MYO3B: variants seen among roughly 807,000 people sequenced by gnomAD.
The protein encoded by MYO3B is myosin-IIIb.
In MYO3B, 156 loss-of-function variants were observed where a neutral mutation model predicts 174.6. The ratio of observed to expected loss-of-function variants is 0.89; its 90% confidence interval spans 0.78 to 1.02. MYO3B has a LOEUF of 1.02. Ranked by LOEUF, MYO3B falls within the 50% of genes least tolerant of loss-of-function variation. The pLI is 0.00. For synonymous variants in MYO3B, 563 were observed against 569.1 expected, an observed-to-expected ratio of 0.99 and a Z score of 0.15; for missense variants, 1,632 against 1,639.4, an observed-to-expected ratio of 1.00 and a Z score of 0.08.
At chr2:170,626,046 A>G (rs1031169154) in intron 32 of MYO3B, among the ~76,000 whole-genome samples, 10 of 152,208 alleles carry the variant, frequency 6.6e-5, no homozygotes, top group African/African-American at 1.9e-4. Flanking sequence ...TTGGGGTGGA[A>G]AGTTCTGTAG....
At chr2:170,617,960 T>C (rs1695572807) in intron 32 of MYO3B, among the ~76,000 whole-genome samples, 1 of 152,204 alleles carries the variant, frequency 6.6e-6, no homozygotes, top group African/African-American at 2.4e-5. Context: ...TGTGTGAATA[T>C]AATCAGTGAT....
At chr2:170,646,954 A>ATTGTT (rs1698432570) in intron 32 of MYO3B, 1 of 1,329,956 alleles carries the variant, frequency 7.5e-7, no homozygotes, top group Non-Finnish European at 1.0e-6. Flanking sequence ...ATATCTTTCA[A>ATTGTT]TTGTTTTTAT....
chr2:170,403,161 C>T (rs145277227), intron 19 of MYO3B, among the ~76,000 whole-genome samples, 166 bp downstream of exon 19: 2 of 152,254 alleles, frequency 1.3e-5, no homozygotes, highest in African/African-American at 4.8e-5. Context: ...GAAAAGGTCT[C>T]GATTTCTGTG....
chr2:170,359,591 G>C (rs1298214679), intron 8 of MYO3B, among the ~76,000 whole-genome samples: 2 of 152,094 alleles, frequency 1.3e-5, no homozygotes, highest in Admixed American at 6.6e-5. Flanking sequence ...GCATTGTTCT[G>C]TTCTACTCAT....
At chr2:170,335,323 T>G in intron 7 of MYO3B, 62 bp from the exon 8 acceptor site, 4 of 1,222,448 alleles carry the variant, frequency 3.3e-6, no homozygotes, top group Non-Finnish European at 4.7e-6. Context: ...TAAAAACAAG[T>G]TGATATTTTG....
intron 7 of MYO3B, among the ~76,000 whole-genome samples, chr2:170,326,825 C>T (rs2093871958): frequency 6.6e-6 from 1 of 152,226 alleles, no homozygotes; most frequent in South Asian, 2.1e-4. Flanking sequence ...CTCTGCAAGT[C>T]ATTCCCACAG....
intron 32 of MYO3B, among the ~76,000 whole-genome samples, chr2:170,560,153 T>A (rs903610034): frequency 2.0e-5 from 3 of 152,222 alleles, no homozygotes; most frequent in Non-Finnish European, 4.4e-5. Context: ...TTCTTTCCAC[T>A]CAAATTATCA....
intron 7 of MYO3B, among the ~76,000 whole-genome samples, chr2:170,296,256 T>C (rs916774211): frequency 1.3e-5 from 2 of 152,182 alleles, no homozygotes; most frequent in Non-Finnish European, 2.9e-5. Context: ...ACCTAAGGCT[T>C]AGCTGAAAGA....
intron 7 of MYO3B, among the ~76,000 whole-genome samples, chr2:170,307,525 T>C (rs1326846158): frequency 6.6e-6 from 1 of 152,214 alleles, no homozygotes; most frequent in African/African-American, 2.4e-5. Context: ...CCTCTTAAAC[T>C]GTGAAATTCT....
At chr2:170,401,370 C>A in intron 17 of MYO3B, 111 bp from the exon 18 acceptor site, 2 of 988,450 alleles carry the variant, frequency 2.0e-6, no homozygotes, top group Non-Finnish European at 1.5e-6. Flanking sequence ...ATCTTTGAGT[C>A]AAAAGTACCC....
At chr2:170,417,561 A>C (rs72876369) in intron 22 of MYO3B, among the ~76,000 whole-genome samples, 9,242 of 152,252 alleles carry the variant, frequency 0.061, 320 homozygotes, top group South Asian at 0.084. Context: ...TCTGGAGGCT[A>C]CAAGTTCAAG....
intron 25 of MYO3B, among the ~76,000 whole-genome samples, chr2:170,470,287 A>G (rs893134400): frequency 2.0e-5 from 3 of 152,108 alleles, no homozygotes; most frequent in African/African-American, 7.2e-5. Context: ...TTAGGCAACC[A>G]ATAATCTAAC....
intron 32 of MYO3B, among the ~76,000 whole-genome samples, chr2:170,622,496 T>A (rs1361999255): frequency 6.6e-6 from 1 of 152,190 alleles, no homozygotes. Context: ...TTACCCCAAG[T>A]CCCTGTTAAC....
chr2:170,295,897 T>C (rs1574735953), intron 7 of MYO3B, among the ~76,000 whole-genome samples: 1 of 152,322 alleles, frequency 6.6e-6, no homozygotes, highest in African/African-American at 2.4e-5. Context: ...AAGTGCTGGC[T>C]ATCTTCTCCA....
chr2:170,468,819 C>A (rs1244964887), intron 25 of MYO3B, among the ~76,000 whole-genome samples: 1 of 152,164 alleles, frequency 6.6e-6, no homozygotes, highest in Admixed American at 6.5e-5. Context: ...AGAGGGCAAA[C>A]ACATAACTGC....
rs574835793 is a variant in MYO3B, at chr2:170,593,458, C to T, written c.3733+49470C>T. Among the ~76,000 whole-genome samples the T allele has an allele frequency of 2.0e-4, 31 of 152,240 alleles. No homozygotes were observed. In the Middle Eastern group the frequency reaches 0.017, roughly 84 times the overall value. On this transcript the variant is annotated intron_variant, in intron 32 of 34. Coordinates refer to ENST00000408978, the MANE Select transcript of MYO3B (RefSeq NM_138995.5). ...GGTGCAGTGACCCAAAACAACTTAC[C>T]CAGGTTCATAGAGTTTACCTAAGTC...
intron 29 of MYO3B, among the ~76,000 whole-genome samples, chr2:170,516,131 T>TA (rs1192202251): frequency 6.6e-6 from 1 of 152,168 alleles, no homozygotes; most frequent in East Asian, 1.9e-4. Context: ...CAGTGCTTTT[T>TA]AAAAAACTTT....
chr2:170,630,991 G>GCC (rs1205036490), intron 32 of MYO3B, among the ~76,000 whole-genome samples: 3 of 152,188 alleles, frequency 2.0e-5, no homozygotes, highest in Non-Finnish European at 2.9e-5. Context: ...AAACCAGAGT[G>GCC]CCCCTTCTCC....
chr2:170,489,421 A>G (rs376884764), intron 25 of MYO3B, among the ~76,000 whole-genome samples: 14 of 152,156 alleles, frequency 9.2e-5, no homozygotes, highest in African/African-American at 2.9e-4. Context: ...GAAGCCCCCA[A>G]ATCTGTGGGG....
Sources: gnomAD v4.1 joint callset for allele counts (sites outside exome capture counted in the v4.1 genomes callset) on GRCh38, gnomAD v4.1.1 for gene constraint, MANE v1.5 for transcripts, NCBI Gene and HGNC (gene_info 2026-07-23, HGNC 2026-07-21) for gene names.